Variants in CHRM3 observed in about 807,000 individuals in gnomAD.
CHRM3 encodes muscarinic acetylcholine receptor M3.
CHRM3 carries 11 observed loss-of-function variants against 41.8 expected under a neutral mutation model. That is an observed-to-expected ratio of 0.26 (90% confidence interval 0.17 to 0.44). CHRM3 has a LOEUF of 0.44. CHRM3 is among the 20% of genes least tolerant of loss of function. The pLI, the probability that CHRM3 is intolerant of heterozygous loss-of-function variation, is 1.00. For missense variants in CHRM3, 571 were observed against 745.4 expected, an observed-to-expected ratio of 0.77 and a Z score of 2.72; for synonymous variants, 297 against 301.4, an observed-to-expected ratio of 0.99 and a Z score of 0.15.
chr1:239,400,346 G>C (rs1308175016), intron 1 of CHRM3, among the ~76,000 whole-genome samples: 1 of 151,960 alleles, frequency 6.6e-6, no homozygotes, highest in Non-Finnish European at 1.5e-5. Flanking sequence ...ATATGTTCTG[G>C]TTATTAATCC....
intron 1 of CHRM3, among the ~76,000 whole-genome samples, chr1:239,404,410 A>AAGAAAAAG (rs1210507333): frequency 5.8e-4 from 30 of 51,686 alleles, no homozygotes; most frequent in Middle Eastern, 0.011. Context: ...GAAAGAAAGA[A>AAGAAAAAG]AAAGAAAGAA....
Position 239,420,581 on chromosome 1 carries a change from T to A in CHRM3, c.-521+33354T>A, listed in dbSNP as rs143655494. ...GGAACATTATATTTTGACCTAAATA[T>A]GTATTTCATAATAAGAAAGAGTAGG... On this transcript the variant is annotated intron_variant, in intron 1 of 6. Coordinates refer to ENST00000676153, the MANE Select transcript of CHRM3 (RefSeq NM_001375978.1). Among the ~76,000 whole-genome samples the A allele has an allele frequency of 1.9e-4, 29 of 152,280 alleles. 1 individual carries two copies. Among genetic ancestry groups the A allele is most frequent in the African/African-American group, 6.7e-4 (28 of 41,552 alleles).
In CHRM3 at chr1:239,493,488, G is replaced by A. The variant is rs190055340; in HGVS notation, c.-422+681G>A. 3.4e-3 allele frequency among the ~76,000 whole-genome samples: 514 copies of A among 152,098 alleles called. 6 individuals carry two copies. The highest frequency in any genetic ancestry group is 0.018 in the South Asian group (85 of 4,810). ...TTAATTGTGGGAAGATGTTCTTATCGCATATTTATGAGATGAACATTTATT... is the reference window on the plus strand; with the variant it reads ...TTAATTGTGGGAAGATGTTCTTATCACATATTTATGAGATGAACATTTATT... On this transcript the variant is annotated intron_variant, in intron 2 of 6. Transcript: ENST00000676153.
chr1:239,456,410 A>G (rs1177889197), intron 1 of CHRM3, among the ~76,000 whole-genome samples: 2 of 152,162 alleles, frequency 1.3e-5, no homozygotes, highest in East Asian at 1.9e-4. Flanking sequence ...AGTTACCTAC[A>G]TTATTCAGGG....
At chr1:239,798,481 AG>A (rs1276273962) in intron 5 of CHRM3, among the ~76,000 whole-genome samples, 2 of 152,204 alleles carry the variant, frequency 1.3e-5, no homozygotes, top group Non-Finnish European at 2.9e-5. Flanking sequence ...CACATAGAAC[AG>A]CCCCATGCAC....
intron 1 of CHRM3, among the ~76,000 whole-genome samples, chr1:239,397,626 C>A (rs747339476): frequency 6.6e-6 from 1 of 151,024 alleles, no homozygotes; most frequent in South Asian, 2.1e-4. Flanking sequence ...GAGCGGAGAT[C>A]GTGCCACTGC....
chr1:239,435,740 T>A (rs542045138), intron 1 of CHRM3, among the ~76,000 whole-genome samples: 7 of 152,332 alleles, frequency 4.6e-5, no homozygotes, highest in Admixed American at 6.5e-5. Context: ...ATATTATTTA[T>A]AAGAATTTGA....
Position 239,582,551 on chromosome 1 carries a change from G to C in CHRM3, c.-313+36802G>C, listed in dbSNP as rs150267572. Among the ~76,000 whole-genome samples, 12 of 152,112 alleles carry C rather than the reference G, an allele frequency of 7.9e-5. No individual in the cohort carries two copies. The East Asian group carries it at 2.1e-3, about 27-fold the overall frequency. On this transcript the variant is annotated intron_variant, in intron 3 of 6. Transcript: ENST00000676153. ...TCCCTGATTAGCACATCCCTCCTCTGCTCCATACAGGACATCCAACATCTC... is the reference window on the plus strand; with the variant it reads ...TCCCTGATTAGCACATCCCTCCTCTCCTCCATACAGGACATCCAACATCTC...
At chr1:239,835,478 T>C (rs1673234793) in intron 6 of CHRM3, among the ~76,000 whole-genome samples, 1 of 152,278 alleles carries the variant, frequency 6.6e-6, no homozygotes, top group African/African-American at 2.4e-5. Flanking sequence ...AGGTTTTTTT[T>C]TTCACTTAGA....
intron 3 of CHRM3, among the ~76,000 whole-genome samples, chr1:239,551,995 G>A (rs1487714166): frequency 6.6e-6 from 1 of 152,030 alleles, no homozygotes; most frequent in Non-Finnish European, 1.5e-5. Context: ...TATTCATCCG[G>A]TTGTGTAACC....
At chr1:239,727,254 T>C (rs962126989) in intron 5 of CHRM3, among the ~76,000 whole-genome samples, 1 of 151,924 alleles carries the variant, frequency 6.6e-6, no homozygotes, top group Non-Finnish European at 1.5e-5. Context: ...AGGTTTTCAT[T>C]TTCTATTTGG....
chr1:239,432,684 C>A (rs1342246597), intron 1 of CHRM3, among the ~76,000 whole-genome samples: 2 of 152,080 alleles, frequency 1.3e-5, no homozygotes. Flanking sequence ...GTATGAAAAT[C>A]AATTATGGTA....
At chr1:239,809,750 C>T (rs761099774) in intron 5 of CHRM3, among the ~76,000 whole-genome samples, 7 of 152,100 alleles carry the variant, frequency 4.6e-5, no homozygotes, top group East Asian at 1.9e-4. Context: ...CCTCTTGCCT[C>T]GGCCTCCCAA....
intron 3 of CHRM3, among the ~76,000 whole-genome samples, chr1:239,617,845 C>T (rs1377283413): frequency 6.6e-6 from 1 of 152,166 alleles, no homozygotes; most frequent in East Asian, 1.9e-4. Flanking sequence ...CACACATGCT[C>T]ACAAGTGATG....
intron 3 of CHRM3, among the ~76,000 whole-genome samples, chr1:239,579,514 A>T (rs1662672509): frequency 6.6e-6 from 1 of 152,134 alleles, no homozygotes; most frequent in Non-Finnish European, 1.5e-5. Flanking sequence ...TTCTTTGAGT[A>T]CCTATAAAGG....
intron 5 of CHRM3, among the ~76,000 whole-genome samples, chr1:239,805,865 G>A (rs1243566973): frequency 6.6e-6 from 1 of 152,072 alleles, no homozygotes; most frequent in Non-Finnish European, 1.5e-5. Context: ...TAACATAAAA[G>A]CACTTGATTT....
chr1:239,871,543 A>G (rs1232517880), intron 6 of CHRM3, among the ~76,000 whole-genome samples: 1 of 152,158 alleles, frequency 6.6e-6, no homozygotes, highest in African/African-American at 2.4e-5. Flanking sequence ...CCTGGCTGCC[A>G]TATTATTTTC....
At chr1:239,599,892 T>G (rs1665293776) in intron 3 of CHRM3, among the ~76,000 whole-genome samples, 1 of 152,178 alleles carries the variant, frequency 6.6e-6, no homozygotes, top group South Asian at 2.1e-4. Flanking sequence ...ACTTTCACAC[T>G]ATCCTAGTCA....
intron 3 of CHRM3, among the ~76,000 whole-genome samples, chr1:239,608,099 G>T (rs1463995084): frequency 6.6e-6 from 1 of 152,096 alleles, no homozygotes; most frequent in Non-Finnish European, 1.5e-5. Context: ...TATTTGTATA[G>T]GCTCCACCCT....
Sources: allele counts gnomAD v4.1 joint callset (sites outside exome capture counted in the v4.1 genomes callset), GRCh38; gene constraint gnomAD v4.1.1; transcripts MANE v1.5; gene names NCBI Gene and HGNC (gene_info 2026-07-23, HGNC 2026-07-21).